The following POU2F3 variants were observed in gnomAD, a reference collection of about 807,000 sequenced individuals.
POU2F3 encodes POU domain, class 2, transcription factor 3.
Under a neutral mutation model 59.2 loss-of-function variants are expected in POU2F3, and 23 were observed. The observed-to-expected ratio is 0.39, with a 90% CI of 0.28 to 0.55. The LOEUF (loss-of-function observed/expected upper bound fraction) is 0.55. Ranked by LOEUF, POU2F3 falls within the 20% of genes least tolerant of loss-of-function variation. The pLI is 0.66. For synonymous variants in POU2F3, 190 were observed against 214.6 expected (o/e 0.89, Z 1.00); for missense variants, 473 against 544.5 (o/e 0.87, Z 1.31).
intron 2 of POU2F3, chr11:120,261,351 C>T (rs1322836564): frequency 6.6e-6 from 1 of 152,238 alleles, no homozygotes; most frequent in Non-Finnish European, 1.5e-5. Context: ...AAAACCACAT[C>T]TTCCCAAAGG....
At chr11:120,294,727 G>A (rs937569772) in intron 3 of POU2F3, among the ~76,000 whole-genome samples, 20 of 152,124 alleles carry the variant, frequency 1.3e-4, no homozygotes, top group Non-Finnish European at 2.4e-4. Context: ...GGGAATTGTC[G>A]ATGTACCCTT....
intron 3 of POU2F3, among the ~76,000 whole-genome samples, chr11:120,271,973 C>T (rs562345577): frequency 1.3e-4 from 20 of 152,262 alleles, no homozygotes; most frequent in East Asian, 1.9e-4. Flanking sequence ...AGCTCTCCTC[C>T]GCTCACACTC....
intron 2 of POU2F3, among the ~76,000 whole-genome samples, chr11:120,261,544 A>G (rs1412534778): frequency 1.3e-5 from 2 of 152,134 alleles, no homozygotes; most frequent in Non-Finnish European, 1.5e-5. Context: ...GATCTCATCC[A>G]TTTGCTCCCA....
In POU2F3 at chr11:120,309,496, G is replaced by A. The variant is rs1206873417; in HGVS notation, c.978G>A (p.Arg326=). The A allele has an allele frequency of 2.2e-5, 35 of 1,614,000 alleles. No homozygotes were observed. The highest frequency in any genetic ancestry group is 3.0e-5 in the Non-Finnish European group (35 of 1,179,940). The stretch of plus-strand genomic sequence containing the variant: ...TGTCCATGGAGAAGGAGGTGGTGAG[G>A]GTCTGGTTCTGCAACCGACGCCAAA... ...EQLSMEKEVV[R]VWFCNRRQKE... Residue 326 remains arginine (R), a synonymous_variant, in exon 10 of 13, where the codon AGG becomes AGA. Coordinates refer to ENST00000543440, the MANE Select transcript of POU2F3 (RefSeq NM_014352.4).
chr11:120,305,175 C>T lies in POU2F3; in HGVS notation c.590C>T (p.Thr197Ile), dbSNP rs775138140. 2 of 1,613,626 alleles carry T rather than the reference C, an allele frequency of 1.2e-6. No homozygotes were observed. The highest frequency in any genetic ancestry group is 2.7e-5 in the African/African-American group (2 of 74,788). Residue 197 changes from threonine (T) to isoleucine (I), a missense_variant, in exon 7 of 13, where the codon ACC (threonine) becomes ATC (isoleucine). Transcript: ENST00000543440. ...GAGGAGCTGGAGAAGTTTGCCAAGA[C>T]CTTCAAGCAGAGGCGCATTAAGCTG... The part of the protein sequence containing the change: ...DLEELEKFAK[T>I]FKQRRIKLGF...
chr11:120,304,647 T>C (rs1941434319), intron 6 of POU2F3, among the ~76,000 whole-genome samples: 1 of 152,142 alleles, frequency 6.6e-6, no homozygotes, highest in Non-Finnish European at 1.5e-5. Flanking sequence ...AACCTTTTCT[T>C]TGTCCAGTTC....
At chr11:120,310,940 C>A (rs1305806539) in intron 10 of POU2F3, among the ~76,000 whole-genome samples, 3 of 152,202 alleles carry the variant, frequency 2.0e-5, no homozygotes, top group African/African-American at 4.8e-5. Flanking sequence ...CAGCAGCTAA[C>A]CAGCCTTGGG....
At chr11:120,258,321 C>A (rs1489024564) in intron 2 of POU2F3, among the ~76,000 whole-genome samples, 1 of 152,118 alleles carries the variant, frequency 6.6e-6, no homozygotes, top group Non-Finnish European at 1.5e-5. Flanking sequence ...TGGGGTAAGG[C>A]TGGAGCGGTG....
intron 2 of POU2F3, among the ~76,000 whole-genome samples, chr11:120,262,326 A>G (rs1035747543): frequency 6.6e-6 from 1 of 152,216 alleles, no homozygotes; most frequent in African/African-American, 2.4e-5. Context: ...TTATACATTT[A>G]TTTTCAATAT....
At chr11:120,305,486 T>A (rs1941461313) in intron 7 of POU2F3, 158 bp from the exon 8 acceptor site, 1 of 1,202,064 alleles carries the variant, frequency 8.3e-7, no homozygotes, top group Non-Finnish European at 1.2e-6. Context: ...AACCGATTCT[T>A]CACCTTAGAG....
upstream of POU2F3, among the ~76,000 whole-genome samples, chr11:120,238,826 CT>C (rs1938563689): frequency 1.5e-5 from 1 of 67,666 alleles, no homozygotes; most frequent in African/African-American, 8.1e-5. Context: ...AAGACTCTGT[CT>C]AAAAAAAAAA....
intron 2 of POU2F3, among the ~76,000 whole-genome samples, chr11:120,257,461 TCTCA>T (rs146491542): frequency 0.045 from 6,847 of 151,894 alleles, 185 homozygotes; most frequent in African/African-American, 0.074. Flanking sequence ...ACCCTTCAAT[TCTCA>T]CTTTCAGGGG....
At chr11:120,255,838 C>T (rs566685574) in intron 2 of POU2F3, among the ~76,000 whole-genome samples, 11 of 152,284 alleles carry the variant, frequency 7.2e-5, no homozygotes, top group African/African-American at 9.6e-5. Flanking sequence ...AGGACCACTG[C>T]GTGAATTCTG....
At chr11:120,266,435 G>T (rs1010642738) in intron 2 of POU2F3, among the ~76,000 whole-genome samples, 1 of 152,038 alleles carries the variant, frequency 6.6e-6, no homozygotes, top group African/African-American at 2.4e-5. Context: ...GTCAGATCAT[G>T]TTACTCCTCT....
At chr11:120,242,095 C>T (rs1938688759) in intron 1 of POU2F3, among the ~76,000 whole-genome samples, 1 of 152,142 alleles carries the variant, frequency 6.6e-6, no homozygotes, top group South Asian at 2.1e-4. Flanking sequence ...CCCAATTCAT[C>T]TCTCTCCATT....
chr11:120,309,693 G>C (rs564747358), intron 10 of POU2F3, 107 bp downstream of exon 10: 1 of 1,276,294 alleles, frequency 7.8e-7, no homozygotes, highest in East Asian at 2.4e-5. Flanking sequence ...AAATAAATAA[G>C]CAAAGAGATG....
rs1941758013 is a variant in POU2F3, at chr11:120,315,384, C to T, written c.1092C>T (p.Gly364=). Reference sequence around the variant, plus strand: ...AGGTATCTCCCTCAGGGTCTCTGGGCCCCCTCTCTGTCCCTCCTGTCCACA... The same window carrying T: ...AGGTATCTCCCTCAGGGTCTCTGGGTCCCCTCTCTGTCCCTCCTGTCCACA... ...SRLVSPSGSL[G]PLSVPPVHST... is the part of the protein sequence containing the mutation. Residue 364 remains glycine, a synonymous_variant, in exon 11 of 13, where the codon GGC becomes GGT. Transcript: ENST00000543440. 1 of 1,613,682 alleles carries T rather than the reference C, an allele frequency of 6.2e-7. No individual in the cohort carries two copies. Among genetic ancestry groups the T allele is most frequent in the Non-Finnish European group, 8.5e-7 (1 of 1,179,602 alleles).
chr11:120,290,321 C>T (rs945689612), intron 3 of POU2F3, among the ~76,000 whole-genome samples: 3 of 152,142 alleles, frequency 2.0e-5, no homozygotes, highest in African/African-American at 7.2e-5. Context: ...ACTATTTGGG[C>T]CACAAATATG....
At chr11:120,299,307 C>T (rs1156632220) in intron 4 of POU2F3, among the ~76,000 whole-genome samples, 1 of 152,220 alleles carries the variant, frequency 6.6e-6, no homozygotes, top group Non-Finnish European at 1.5e-5. Context: ...GGGTCATACC[C>T]AGGCTTTGCC....
Sources: gnomAD v4.1 joint callset for allele counts (sites outside exome capture counted in the v4.1 genomes callset) on GRCh38, gnomAD v4.1.1 for gene constraint, MANE v1.5 for transcripts, NCBI Gene and HGNC (gene_info 2026-07-23, HGNC 2026-07-21) for gene names.